The following MYO15B variants were observed in gnomAD, a reference collection of about 807,000 sequenced individuals.
The protein encoded by MYO15B is myosin XVB pseudogene.
A neutral mutation model predicts 119.3 loss-of-function variants in MYO15B; 207 were observed. That is an observed-to-expected ratio of 1.73 (90% confidence interval 1.55 to 1.95). The LOEUF is 1.95. Ranked by LOEUF, MYO15B falls within the 30% of genes most tolerant of loss-of-function variation. The pLI is 0.00. For missense variants in MYO15B, 2,264 were observed against 1,203.1 expected (o/e 1.88, Z -13.04); for synonymous variants, 966 against 498.9 (o/e 1.94, Z -12.48).
chr17:75,601,683 C>G (rs1052458343), intron 15 of MYO15B, 120 bp downstream of exon 15: 1 of 629,776 alleles, frequency 1.6e-6, no homozygotes, highest in Non-Finnish European at 2.9e-6. Flanking sequence ...GCTTGGACAC[C>G]TGTCCCTACC....
chr17:75,623,801 G>C (rs777768668), exon 54 of MYO15B: 1 of 703,134 alleles, frequency 1.4e-6, no homozygotes, highest in Non-Finnish European at 2.6e-6. Context: ...AGGAGAAGCT[G>C]AGGGATGAGA....
chr17:75,616,702 A>G, exon 39 of MYO15B: 3 of 703,026 alleles, frequency 4.3e-6, no homozygotes, highest in Non-Finnish European at 7.8e-6. Flanking sequence ...CCAAGCGGCC[A>G]CAACCCAGCA....
chr17:75,624,380 C>A (rs900075814), exon 57 of MYO15B: 1 of 702,524 alleles, frequency 1.4e-6, no homozygotes, highest in Non-Finnish European at 2.6e-6. Flanking sequence ...AAAGGACAAG[C>A]GATTCGCCTG....
At chr17:75,620,848 CTT>C (rs1378112704) in intron 49 of MYO15B, 181 bp from the exon 50 acceptor site, 5 of 701,774 alleles carry the variant, frequency 7.1e-6, no homozygotes, top group Non-Finnish European at 1.3e-5. Flanking sequence ...GGATGCTGCT[CTT>C]GTGTCCCACG....
chr17:75,598,901 A>G (rs936187103), intron 14 of MYO15B, among the ~76,000 whole-genome samples: 2 of 152,120 alleles, frequency 1.3e-5, no homozygotes, highest in Non-Finnish European at 2.9e-5. Context: ...GTTATGTGAC[A>G]TGTACCATTT....
intron 22 of MYO15B, chr17:75,610,553 T>C (rs1031166936): frequency 4.9e-5 from 24 of 494,376 alleles, no homozygotes; most frequent in African/African-American, 4.2e-4. Flanking sequence ...CTCCCCTCTT[T>C]TGCATGATGA....
At chr17:75,613,168 C>G (rs1199268486) in exon 27 of MYO15B, 1 of 701,268 alleles carries the variant, frequency 1.4e-6, no homozygotes, top group Non-Finnish European at 2.6e-6. Flanking sequence ...TTTTGCTCAG[C>G]GCCTTTCCCC....
At chr17:75,625,346 C>G in intron 60 of MYO15B, 108 bp downstream of exon 60, 1 of 639,442 alleles carries the variant, frequency 1.6e-6, no homozygotes, top group East Asian at 2.7e-5. Flanking sequence ...AGCAGCGGGG[C>G]CTGTGAACAT....
exon 40 of MYO15B, chr17:75,616,890 C>T (rs963451387): frequency 4.3e-6 from 3 of 702,912 alleles, no homozygotes; most frequent in African/African-American, 1.7e-5. Flanking sequence ...CAAAGCTTTC[C>T]TGAGGAAAAT....
At chr17:75,626,215 T>G (rs760650843) in exon 63 of MYO15B, 8 of 702,918 alleles carry the variant, frequency 1.1e-5, no homozygotes, top group Admixed American at 1.0e-4. Flanking sequence ...ACCATCTGGT[T>G]TGAGCTGCCA....
At chr17:75,623,687 C>T (rs1055663061) in intron 53 of MYO15B, 94 bp from the exon 54 acceptor site, 2 of 676,304 alleles carry the variant, frequency 3.0e-6, no homozygotes, top group South Asian at 1.6e-5. Flanking sequence ...TTGAGCCAGC[C>T]CCAGCCCATG....
At chr17:75,606,416 GT>G (rs2057653807) in intron 21 of MYO15B, among the ~76,000 whole-genome samples, 1 of 151,894 alleles carries the variant, frequency 6.6e-6, no homozygotes, top group Non-Finnish European at 1.5e-5. Context: ...CTGGGTTCAA[GT>G]GATTCGCCTG....
At chr17:75,621,734 C>T (rs550962924) in intron 52 of MYO15B, 164 bp downstream of exon 52, 16 of 604,622 alleles carry the variant, frequency 2.6e-5, no homozygotes, top group Non-Finnish European at 4.7e-5. Context: ...CGCTTCTACT[C>T]CCACTCAAGG....
At chr17:75,614,307 G>C (rs1335997159) in exon 30 of MYO15B, 3 of 702,784 alleles carry the variant, frequency 4.3e-6, no homozygotes, top group Non-Finnish European at 5.2e-6. Flanking sequence ...GCCAGACTGA[G>C]GACCTGGGGG....
chr17:75,625,407 A>G, intron 60 of MYO15B, 120 bp from the exon 61 acceptor site: 1 of 656,850 alleles, frequency 1.5e-6, no homozygotes, highest in Admixed American at 2.1e-5. Context: ...CCCTCACCTC[A>G]TTCATGTGTA....
intron 4 of MYO15B, 141 bp from the exon 5 acceptor site, chr17:75,591,460 G>A (rs2056443961): frequency 1.6e-6 from 1 of 634,242 alleles, no homozygotes; most frequent in Admixed American, 2.4e-5. Flanking sequence ...GTCTCTCCAT[G>A]CCCTGGGACT....
At position 75,591,583 on chromosome 17, in the gene MYO15B, C is replaced by T. The variant is rs2056455368; in HGVS notation, c.2436-18C>T. On this transcript the variant is annotated intron_variant, in intron 4 of 63. Coordinates refer to ENST00000645453, the Ensembl canonical transcript of MYO15B. ...ATGTGCCCCTCCCTGGAGACCCTAC[C>T]AACCAACACATCCTTAGCTCCTCCC... is the stretch of plus-strand genomic sequence containing the variant. 1 of 702,744 alleles carries T rather than the reference C, an allele frequency of 1.4e-6. No individual in the cohort carries two copies. Among genetic ancestry groups the T allele is most frequent in the Non-Finnish European group, 2.6e-6 (1 of 384,910 alleles). The allele number at this position is 702,744 out of a possible 1,614,324, so 43.5% of individuals were successfully genotyped here.
exon 53 of MYO15B, chr17:75,622,048 G>A: frequency 1.4e-6 from 1 of 703,030 alleles, no homozygotes; most frequent in Non-Finnish European, 2.6e-6. Flanking sequence ...CCGGGGCAAG[G>A]ATGAGATGGA....
chr17:75,613,397 A>AC lies in MYO15B; in HGVS notation c.5078dup (p.Thr1694AspfsTer83). On this transcript the variant is annotated frameshift_variant, in exon 28 of 64. Transcript: ENST00000645453. LOFTEE classifies it high-confidence loss of function. ...CTGGCCTCGGGGGCCACTCGGGCCC[A>AC]CCCCCCGACCCAGCTGGAGTGGCTG... 1 of 671,036 alleles carries AC rather than the reference A, an allele frequency of 1.5e-6. No individual in the cohort carries two copies. The highest frequency in any genetic ancestry group is 2.7e-6 in the Non-Finnish European group (1 of 375,704). The allele number at this position is 671,036 out of a possible 1,614,324, so 41.6% of individuals were successfully genotyped here. A position where few individuals can be genotyped will look rare whatever the true frequency, so the allele number is the denominator to read the frequency against.
Sources: allele counts gnomAD v4.1 joint callset (sites outside exome capture counted in the v4.1 genomes callset), GRCh38; gene constraint gnomAD v4.1.1; transcripts MANE v1.5; gene names NCBI Gene and HGNC (gene_info 2026-07-23, HGNC 2026-07-21).